The following GRIA2 variants were observed in gnomAD, a reference collection of about 807,000 sequenced individuals.
The protein encoded by GRIA2 is glutamate ionotropic receptor AMPA type subunit 2.
A neutral mutation model predicts 97.3 loss-of-function variants in GRIA2; 14 were observed. That is an observed-to-expected ratio of 0.14 (90% CI 0.10 to 0.23). The LOEUF (loss-of-function observed/expected upper bound fraction) is 0.23. Among genes scored for constraint, GRIA2 ranks in the 10% least tolerant of loss-of-function variants. GRIA2 has a pLI of 1.00. For missense variants in GRIA2, 558 were observed against 1,069.8 expected (o/e 0.52, Z 6.67); for synonymous variants, 412 against 387.8 (o/e 1.06, Z -0.73).
chr4:157,327,818 C>T (rs1360919044), intron 6 of GRIA2, among the ~76,000 whole-genome samples: 6 of 151,998 alleles, frequency 3.9e-5, no homozygotes, highest in Admixed American at 2.0e-4. Flanking sequence ...AATTGCTGTC[C>T]TAAGAGAGTT....
At chr4:157,261,642 G>T (rs1432585741) in intron 2 of GRIA2, among the ~76,000 whole-genome samples, 1 of 152,080 alleles carries the variant, frequency 6.6e-6, no homozygotes, top group African/African-American at 2.4e-5. Flanking sequence ...GTGGAAATTA[G>T]ATTAGCTAAA....
intron 13 of GRIA2, 145 bp downstream of exon 13, chr4:157,360,288 TTTTAAACA>T (rs1199069736): frequency 2.6e-5 from 19 of 743,474 alleles, no homozygotes; most frequent in Non-Finnish European, 3.9e-5. Flanking sequence ...TTCTGAATGT[TTTTAAACA>T]TTTAGATACT....
chr4:157,247,486 G>T (rs1192359581), intron 2 of GRIA2, among the ~76,000 whole-genome samples: 1 of 152,112 alleles, frequency 6.6e-6, no homozygotes, highest in Admixed American at 6.6e-5. Context: ...GGTCAATGAA[G>T]GATGTGAGAT....
At chr4:157,284,597 T>C (rs781375133) in intron 2 of GRIA2, among the ~76,000 whole-genome samples, 1 of 151,756 alleles carries the variant, frequency 6.6e-6, no homozygotes, top group Non-Finnish European at 1.5e-5. Flanking sequence ...GCCCTCCATG[T>C]AACTCATATC....
chr4:157,225,755 TA>T, intron 2 of GRIA2, among the ~76,000 whole-genome samples: 2 of 151,806 alleles, frequency 1.3e-5, no homozygotes, highest in Non-Finnish European at 2.9e-5. Context: ...GATATGAGGG[TA>T]TTCCAGTAGT....
At chr4:157,295,249 A>C (rs1733291389) in intron 2 of GRIA2, among the ~76,000 whole-genome samples, 1 of 152,110 alleles carries the variant, frequency 6.6e-6, no homozygotes, top group Admixed American at 6.6e-5. Context: ...GAGAAAGAAA[A>C]ATGTATTATT....
intron 3 of GRIA2, among the ~76,000 whole-genome samples, chr4:157,306,239 A>G (rs1272374459): frequency 6.6e-6 from 1 of 152,154 alleles, no homozygotes; most frequent in African/African-American, 2.4e-5. Flanking sequence ...AAAAATTCAA[A>G]AAGACAACAG....
intron 2 of GRIA2, among the ~76,000 whole-genome samples, chr4:157,296,204 C>T (rs2126848273): frequency 6.6e-6 from 1 of 152,110 alleles, no homozygotes; most frequent in East Asian, 1.9e-4. Flanking sequence ...AATGATTGCG[C>T]TTTTTTCCTA....
At chr4:157,231,721 T>A (rs1171877332) in intron 2 of GRIA2, among the ~76,000 whole-genome samples, 1 of 152,216 alleles carries the variant, frequency 6.6e-6, no homozygotes, top group East Asian at 1.9e-4. Context: ...TTCTTGATAA[T>A]TGCTGACGGG....
chr4:157,285,979 C>A (rs1032370643), intron 2 of GRIA2, among the ~76,000 whole-genome samples: 1 of 151,292 alleles, frequency 6.6e-6, no homozygotes, highest in Non-Finnish European at 1.5e-5. Flanking sequence ...GGATTTAAAC[C>A]TATGTCCAAC....
intron 2 of GRIA2, among the ~76,000 whole-genome samples, chr4:157,268,258 C>T (rs1217273240): frequency 1.3e-5 from 2 of 151,794 alleles, no homozygotes; most frequent in Non-Finnish European, 2.9e-5. Context: ...TTACATATGC[C>T]CAAGGGAATC....
intron 2 of GRIA2, among the ~76,000 whole-genome samples, chr4:157,227,949 G>A (rs183029071): frequency 2.6e-5 from 4 of 152,050 alleles, no homozygotes; most frequent in Middle Eastern, 3.4e-3. Context: ...GAAAAAAAAA[G>A]GAATGTGATT....
intron 6 of GRIA2, among the ~76,000 whole-genome samples, chr4:157,325,081 C>T (rs752113734): frequency 5.3e-5 from 8 of 152,058 alleles, no homozygotes; most frequent in Non-Finnish European, 8.8e-5. Flanking sequence ...AAATTCTTTC[C>T]ATAGTTAGGG....
rs759945205 is a variant in GRIA2 at position 157,361,146 on chromosome 4, A to G, written c.2406+22A>G. 2.0e-6 allele frequency: 3 copies of G among 1,533,280 alleles called. No homozygotes were observed. In the East Asian group the frequency reaches 6.7e-5, roughly 34 times the overall value. 95.0% of individuals were successfully genotyped at this position (1,533,280 alleles called of 1,614,324 possible). On this transcript the variant is annotated intron_variant, in intron 14 of 15. Transcript: ENST00000264426. This position sits in a 1 kb window ranked among gnomAD's most constrained non-coding sequence, Gnocchi z 5.2. ...CAAGGTCAGCCCCAGTGAGAAAAGT[A>G]ATGGGTAACTCAATGCAAAACAAAG... is the stretch of plus-strand genomic sequence containing the variant.
At chr4:157,352,743 CACA>C (rs1398472630) in intron 12 of GRIA2, among the ~76,000 whole-genome samples, 2 of 133,622 alleles carry the variant, frequency 1.5e-5, no homozygotes, top group Non-Finnish European at 1.6e-5. Flanking sequence ...AAAAAACACA[CACA>C]ACAACAACAA....
intron 11 of GRIA2, among the ~76,000 whole-genome samples, chr4:157,340,858 A>G (rs1434253768): frequency 6.6e-6 from 1 of 151,758 alleles, no homozygotes; most frequent in African/African-American, 2.4e-5. Flanking sequence ...TGCTTTTTTT[A>G]ATTTTTGATT....
At chr4:157,270,042 C>T (rs1005904581) in intron 2 of GRIA2, among the ~76,000 whole-genome samples, 3 of 152,012 alleles carry the variant, frequency 2.0e-5, no homozygotes, top group Non-Finnish European at 4.4e-5. Flanking sequence ...TTAAGAGGCT[C>T]TATTTAAAGT....
intron 6 of GRIA2, among the ~76,000 whole-genome samples, chr4:157,323,826 A>C (rs982374513): frequency 6.6e-6 from 1 of 152,200 alleles, no homozygotes; most frequent in African/African-American, 2.4e-5. Context: ...GAGAACCTGC[A>C]TTGTGACCTT....
At chr4:157,311,807 T>A (rs1734092671) in intron 3 of GRIA2, among the ~76,000 whole-genome samples, 1 of 151,966 alleles carries the variant, frequency 6.6e-6, no homozygotes, top group Admixed American at 6.6e-5. Context: ...GTAGAAATAA[T>A]ATGAAAGACA....
Sources: allele counts gnomAD v4.1 joint callset (sites outside exome capture counted in the v4.1 genomes callset), GRCh38; gene constraint gnomAD v4.1.1; non-coding constraint Gnocchi (gnomAD v3.1); transcripts MANE v1.5; gene names NCBI Gene and HGNC (gene_info 2026-07-23, HGNC 2026-07-21).